PHF24: variants seen among roughly 807,000 people sequenced by gnomAD.
PHF24 encodes Galpha inhibitory interacting protein.
Under a neutral mutation model 42.6 loss-of-function variants are expected in PHF24, and 25 were observed. The ratio of observed to expected loss-of-function variants is 0.59; its 90% confidence interval spans 0.43 to 0.82. The LOEUF (loss-of-function observed/expected upper bound fraction) is 0.82. PHF24 is among the 40% of genes least tolerant of loss of function. The probability of loss-of-function intolerance (pLI) is 0.00; values close to 1 mark genes in which losing one functional copy is unlikely to be tolerated. For missense variants in PHF24, 470 were observed against 538.1 expected (o/e 0.87, Z 1.25); for synonymous variants, 185 against 204.8 (o/e 0.90, Z 0.83).
chr9:34,767,441 T>G, the PHF24 span, among the ~76,000 whole-genome samples: 3 of 152,238 alleles, frequency 2.0e-5, no homozygotes, highest in East Asian at 5.8e-4. Flanking sequence ...GCTGCTGCCT[T>G]GCAGTTTGAT....
chr9:34,935,158 G>T, the PHF24 span, among the ~76,000 whole-genome samples: 54,639 of 152,054 alleles, frequency 0.36, 10,249 homozygotes, highest in African/African-American at 0.46. Flanking sequence ...TACGTTAATG[G>T]TACCTGGAGG....
At chr9:34,769,846 C>T in the PHF24 span, among the ~76,000 whole-genome samples, 1 of 152,112 alleles carries the variant, frequency 6.6e-6, no homozygotes, top group Non-Finnish European at 1.5e-5. Flanking sequence ...GGACAACTGG[C>T]TTGCCTTCTT....
At chr9:34,842,204 C>T in the PHF24 span, among the ~76,000 whole-genome samples, 1 of 152,070 alleles carries the variant, frequency 6.6e-6, no homozygotes, top group Non-Finnish European at 1.5e-5. Flanking sequence ...CCATTGTATG[C>T]ATATATAACA....
At chr9:34,911,519 C>CGGCCTAT in the PHF24 span, among the ~76,000 whole-genome samples, 2 of 151,992 alleles carry the variant, frequency 1.3e-5, no homozygotes, top group South Asian at 4.1e-4. Context: ...CCCAAAGTGC[C>CGGCCTAT]GGGATTACAG....
the PHF24 span, chr9:34,665,984 G>A: frequency 1.1e-5 from 5 of 443,190 alleles, no homozygotes; most frequent in East Asian, 4.4e-5. Flanking sequence ...TCACCTGGAG[G>A]GGGGGCTGAG....
chr9:34,884,095 C>T, the PHF24 span, among the ~76,000 whole-genome samples: 2 of 152,270 alleles, frequency 1.3e-5, no homozygotes, highest in African/African-American at 2.4e-5. Context: ...AACCATCCTT[C>T]CGAGAAAACT....
chr9:34,933,641 C>T, the PHF24 span, among the ~76,000 whole-genome samples: 7 of 150,870 alleles, frequency 4.6e-5, no homozygotes, highest in Admixed American at 3.3e-4. Context: ...AGAAGAATGG[C>T]GTGAACCGGG....
chr9:34,736,799 A>G, the PHF24 span, among the ~76,000 whole-genome samples: 1 of 152,270 alleles, frequency 6.6e-6, no homozygotes, highest in Non-Finnish European at 1.5e-5. Flanking sequence ...TAAGAATTAT[A>G]GTAGACTTCT....
the PHF24 span, among the ~76,000 whole-genome samples, chr9:34,810,638 C>T: frequency 2.0e-5 from 3 of 152,208 alleles, no homozygotes; most frequent in Non-Finnish European, 2.9e-5. Flanking sequence ...GAGGGGGATC[C>T]TCCCATGGGA....
At chr9:34,906,905 G>A in the PHF24 span, among the ~76,000 whole-genome samples, 1 of 152,196 alleles carries the variant, frequency 6.6e-6, no homozygotes, top group Non-Finnish European at 1.5e-5. Flanking sequence ...TATTTTTAAA[G>A]AGAAGACTCT....
chr9:34,868,494 T>G, the PHF24 span, among the ~76,000 whole-genome samples: 1 of 152,252 alleles, frequency 6.6e-6, no homozygotes, highest in Non-Finnish European at 1.5e-5. Flanking sequence ...TATTTGTTTT[T>G]GCCTAATGAA....
At chr9:34,697,878 G>A in the PHF24 span, among the ~76,000 whole-genome samples, 1 of 152,154 alleles carries the variant, frequency 6.6e-6, no homozygotes, top group Non-Finnish European at 1.5e-5. Flanking sequence ...TCTTGGGACT[G>A]GGCAGGCTTA....
chr9:34,813,362 T>C, the PHF24 span, among the ~76,000 whole-genome samples: 1 of 152,218 alleles, frequency 6.6e-6, no homozygotes, highest in East Asian at 1.9e-4. Context: ...TCTATTATTA[T>C]GTAACAAATG....
chr9:34,867,239 C>T, the PHF24 span, among the ~76,000 whole-genome samples: 14 of 152,192 alleles, frequency 9.2e-5, no homozygotes, highest in African/African-American at 3.1e-4. Flanking sequence ...GAGAGGCACT[C>T]CCTGTTCTCT....
At chr9:34,745,707 A>G in the PHF24 span, among the ~76,000 whole-genome samples, 2 of 150,662 alleles carry the variant, frequency 1.3e-5, no homozygotes, top group Non-Finnish European at 3.0e-5. Context: ...TATACCCACA[A>G]CTTTACCCCC....
rs375013572 is a variant in PHF24 at position 34,973,508 on chromosome 9, C to G, written c.564+977C>G. On this transcript the variant is annotated intron_variant, in intron 3 of 7. Transcript: ENST00000242315. ...GATTTATATCCATTTCTCACTACAC[C>G]TGAATAGAGTTCAAGTCTTGCCTTA... Among the ~76,000 whole-genome samples, 72 of 152,284 alleles carry G rather than the reference C, an allele frequency of 4.7e-4. 1 individual carries two copies. The South Asian group carries it at 0.015, about 31-fold the overall frequency.
At chr9:34,883,691 T>C in the PHF24 span, among the ~76,000 whole-genome samples, 10 of 152,074 alleles carry the variant, frequency 6.6e-5, no homozygotes, top group Admixed American at 1.3e-4. Context: ...GTTACAATGG[T>C]GATCATTAAA....
chr9:34,778,383 TA>T, the PHF24 span, among the ~76,000 whole-genome samples: 5 of 152,220 alleles, frequency 3.3e-5, no homozygotes, highest in Admixed American at 2.0e-4. Flanking sequence ...AAGGGAGATG[TA>T]TTATAGACAA....
chr9:34,723,020 T>C, the PHF24 span: 2 of 669,580 alleles, frequency 3.0e-6, no homozygotes, highest in Non-Finnish European at 4.9e-6. Context: ...CTTAACACAA[T>C]ACAGCAGAGA....
Sources: gnomAD v4.1 joint callset for allele counts (sites outside exome capture counted in the v4.1 genomes callset) on GRCh38, gnomAD v4.1.1 for gene constraint, MANE v1.5 for transcripts, NCBI Gene and HGNC (gene_info 2026-07-23, HGNC 2026-07-21) for gene names.